The following ABCA3 variants were observed in gnomAD, a reference collection of about 807,000 sequenced individuals.
ABCA3 encodes the protein phospholipid-transporting ATPase ABCA3.
ABCA3 carries 88 observed loss-of-function variants against 172.8 expected under a neutral mutation model. That is an observed-to-expected ratio of 0.51 (90% confidence interval 0.43 to 0.61). The LOEUF is 0.61. Among genes scored for constraint, ABCA3 ranks in the 20% least tolerant of loss-of-function variants. The pLI is 0.00. For missense variants in ABCA3, 2,164 were observed against 2,301.0 expected, an observed-to-expected ratio of 0.94 and a Z score of 1.22; for synonymous variants, 1,066 against 983.8, an observed-to-expected ratio of 1.08 and a Z score of -1.56.
At position 2,276,669 on chromosome 16, in the gene ABCA3, A is replaced by G. The variant is rs1596825484; in HGVS notation, c.*5T>C. 4 of 1,612,718 alleles carry G rather than the reference A, an allele frequency of 2.5e-6. No homozygotes were observed. In the East Asian group the frequency reaches 8.9e-5, roughly 36 times the overall value. On this transcript the variant is annotated 3_prime_UTR_variant, in exon 33 of 33. Transcript: ENST00000301732. ...CCTGCCTGATGGCGAGACAGCCGCC[A>G]CCCCTCATCGCCCCTCCTCTGCGGT... is the stretch of plus-strand genomic sequence containing the variant.
intron 10 of ABCA3, among the ~76,000 whole-genome samples, chr16:2,313,438 C>G (rs1370536993): frequency 6.6e-6 from 1 of 150,792 alleles, no homozygotes; most frequent in Non-Finnish European, 1.5e-5. Context: ...CCTGTAGTGC[C>G]AGCTACTCAG....
intron 1 of ABCA3, among the ~76,000 whole-genome samples, chr16:2,334,197 A>G (rs922526021): frequency 2.0e-5 from 3 of 152,120 alleles, no homozygotes; most frequent in Admixed American, 2.0e-4. Context: ...TGAATGACTC[A>G]TTAGTTGGGA....
intron 18 of ABCA3, among the ~76,000 whole-genome samples, chr16:2,294,585 G>A (rs1341450060): frequency 2.6e-5 from 4 of 152,176 alleles, no homozygotes; most frequent in Non-Finnish European, 5.9e-5. Flanking sequence ...CTATTCGGGA[G>A]GCTGAGGTGG....
chr16:2,291,071 T>C (rs1166868545), intron 19 of ABCA3, among the ~76,000 whole-genome samples: 1 of 151,504 alleles, frequency 6.6e-6, no homozygotes, highest in Non-Finnish European at 1.5e-5. Flanking sequence ...TGGCTGGGGG[T>C]GGTGGCTCAC....
intron 7 of ABCA3, 162 bp downstream of exon 7, chr16:2,323,361 T>C: frequency 3.4e-6 from 3 of 880,556 alleles, no homozygotes; most frequent in Non-Finnish European, 5.6e-6. Flanking sequence ...CACACGTATG[T>C]TTATTGCGGC....
At chr16:2,339,808 T>C (rs2093757627) in intron 1 of ABCA3, among the ~76,000 whole-genome samples, 1 of 152,254 alleles carries the variant, frequency 6.6e-6, no homozygotes, top group East Asian at 1.9e-4. Flanking sequence ...ACCAAGCGCC[T>C]TCCCCACGCC....
rs764777475 is a variant in ABCA3, at chr16:2,326,176, C to A, written c.153G>T (p.Val51=). Reference sequence around the variant, plus strand: ...GGCCCGGGTAGATGGTGGCGTTGGGCACATTTTCCGACTGAATCTTCAAGC... The same window carrying A: ...GGCCCGGGTAGATGGTGGCGTTGGGAACATTTTCCGACTGAATCTTCAAGC... The part of the protein sequence containing the change: ...WLRLKIQSEN[V]PNATIYPGQS... Residue 51 remains valine (V), a synonymous_variant, in exon 5 of 33, where the codon GTG becomes GTT. Coordinates refer to ENST00000301732, the MANE Select transcript of ABCA3 (RefSeq NM_001089.3). 1.9e-6 allele frequency: 3 copies of A among 1,614,148 alleles called. No homozygotes were observed. Among genetic ancestry groups the A allele is most frequent in the South Asian group, 1.1e-5 (1 of 91,080 alleles).
At position 2,283,669 on chromosome 16, in the gene ABCA3, C is replaced by T. The variant is rs1440404975; in HGVS notation, c.3863-311G>A. On this transcript the variant is annotated intron_variant, in intron 25 of 32. Transcript: ENST00000301732. This position sits in a 1 kb window ranked among gnomAD's most constrained non-coding sequence, Gnocchi z 5.4. Reference sequence around the variant, plus strand: ...CTCCTGACCAGGACAGAGACCGTTACAAGCACCGAGGGGTGTGTGGGAGGC... The same window carrying T: ...CTCCTGACCAGGACAGAGACCGTTATAAGCACCGAGGGGTGTGTGGGAGGC... 6 of 402,776 alleles carry T rather than the reference C, an allele frequency of 1.5e-5. No individual in the cohort carries two copies. Among genetic ancestry groups the T allele is most frequent in the African/African-American group, 8.1e-5 (4 of 49,218 alleles). 25.0% of individuals were successfully genotyped at this position (402,776 alleles called of 1,614,324 possible).
Position 2,289,449 on chromosome 16 carries a change from G to C in ABCA3, c.2685C>G (p.Val895=). 7.0e-7 allele frequency: 1 copy of C among 1,432,408 alleles called. No individual in the cohort carries two copies. Among genetic ancestry groups the C allele is most frequent in the South Asian group, 1.2e-5 (1 of 85,316 alleles). 88.7% of individuals were successfully genotyped at this position (1,432,408 alleles called of 1,614,324 possible). Residue 895 remains valine, a synonymous_variant, in exon 20 of 33, where the codon GTC becomes GTG. Transcript: ENST00000301732. ...GALIEEERTA[V]KLNTGLALHC... ...GGGCACTCACCCCAGTGTTGAGCTT[G>C]ACAGCGGTGCGCTCCTCCTCGATGA...
rs1185646895 is a variant in ABCA3 at position 2,279,428 on chromosome 16, C to T, written c.4360-298G>A. Among the ~76,000 whole-genome samples, 2 of 152,314 alleles carry T rather than the reference C, an allele frequency of 1.3e-5. No homozygotes were observed. The highest frequency in any genetic ancestry group is 3.4e-3 in the Middle Eastern group (1 of 294). On this transcript the variant is annotated intron_variant, in intron 28 of 32. Coordinates refer to ENST00000301732, the MANE Select transcript of ABCA3 (RefSeq NM_001089.3). The surrounding 1 kb of genome is among the most constrained non-coding windows in gnomAD (Gnocchi z 4.4). ...TTAGGTGGTGCAAGAATGGCCTTTA[C>T]GTAGAAGCAGACTCAGAGCTGGCTA...
chr16:2,288,402 A>C (rs964180691), intron 20 of ABCA3, 73 bp from the exon 21 acceptor site: 70 of 1,496,110 alleles, frequency 4.7e-5, no homozygotes, highest in African/African-American at 2.8e-4. Flanking sequence ...CACCTGCGGC[A>C]GGTGCTGTTC....
intron 18 of ABCA3, among the ~76,000 whole-genome samples, chr16:2,293,592 C>T (rs1276764776): frequency 1.3e-5 from 2 of 150,364 alleles, no homozygotes; most frequent in Non-Finnish European, 3.0e-5. Context: ...GGCTGGAGTG[C>T]GGTGGCGCGA....
intron 1 of ABCA3, among the ~76,000 whole-genome samples, chr16:2,334,486 C>T (rs958979549): frequency 2.6e-5 from 4 of 151,546 alleles, no homozygotes; most frequent in Non-Finnish European, 4.4e-5. Context: ...TTCAATGGAT[C>T]CTGTGGATGA....
intron 1 of ABCA3, among the ~76,000 whole-genome samples, chr16:2,335,228 A>C (rs973466224): frequency 6.6e-6 from 1 of 152,226 alleles, no homozygotes; most frequent in African/African-American, 2.4e-5. Flanking sequence ...GACAACCTGC[A>C]GCAGTGAAAA....
At position 2,279,266 on chromosome 16, in the gene ABCA3, C is replaced by T. The variant is rs371572979; in HGVS notation, c.4360-136G>A. 4.7e-5 allele frequency: 48 copies of T among 1,022,874 alleles called. No homozygotes were observed. Among genetic ancestry groups the T allele is most frequent in the South Asian group, 1.3e-4 (9 of 67,794 alleles). The allele number at this position is 1,022,874 out of a possible 1,614,324, so 63.4% of individuals were successfully genotyped here. A position where few individuals can be genotyped will look rare whatever the true frequency, so the allele number is the denominator to read the frequency against. On this transcript the variant is annotated intron_variant, in intron 28 of 32. Transcript: ENST00000301732. The surrounding 1 kb of genome is among the most constrained non-coding windows in gnomAD (Gnocchi z 4.4). ...TCCTGCCAGTGTGTGTACACGGGGG[C>T]GCTGGAGCTATGCACAGGCCGTGGT...
chr16:2,288,037 C>T lies in ABCA3; in HGVS notation c.2993G>A (p.Arg998His), dbSNP rs988110580. The T allele has an allele frequency of 8.7e-6, 14 of 1,608,006 alleles. No homozygotes were observed. The highest frequency in any genetic ancestry group is 6.7e-5 in the East Asian group (3 of 44,876). The change falls in exon 21 of 33, where the codon CGC becomes CAC. Residue 998 changes from arginine to histidine, a missense_variant. Physicochemically the swap from Arg to His is conservative, Grantham distance 29. Transcript: ENST00000301732. ...GGGATGCCCCTTACCGAGCACCTCG[C>T]GGGGCTCCTGTCCCTCAGCCTGCAG... ...DALQAEGQEPREVLGDLEEFL... is the reference protein window; with the variant it reads ...DALQAEGQEPHEVLGDLEEFL...
chr16:2,330,544 T>C (rs1379889722), intron 1 of ABCA3, among the ~76,000 whole-genome samples: 2 of 151,642 alleles, frequency 1.3e-5, no homozygotes, highest in African/African-American at 4.8e-5. Flanking sequence ...GGTCTCAAAC[T>C]CCTGACCTCA....
At chr16:2,331,781 C>T (rs2141747842) in intron 1 of ABCA3, among the ~76,000 whole-genome samples, 1 of 152,328 alleles carries the variant, frequency 6.6e-6, no homozygotes, top group Non-Finnish European at 1.5e-5. Context: ...GCTGAGCCCC[C>T]ATCAGCTACT....
rs976908029 is a variant in ABCA3, at chr16:2,285,692, G to C, written c.3279-46C>G. 1.9e-6 allele frequency: 3 copies of C among 1,545,280 alleles called. No homozygotes were observed. In the African/African-American group the frequency reaches 4.1e-5, roughly 21 times the overall value. On this transcript the variant is annotated intron_variant, in intron 22 of 32. Transcript: ENST00000301732. This position sits in a 1 kb window ranked among gnomAD's most constrained non-coding sequence, Gnocchi z 4.7. ...CAGGGACGGAGCACAGCACGTCTGG[G>C]TGGCAGGAGAGGTCGGGTTCTCGGT...
Sources: gnomAD v4.1 joint callset for allele counts (sites outside exome capture counted in the v4.1 genomes callset) on GRCh38, gnomAD v4.1.1 for gene constraint, Gnocchi (gnomAD v3.1) non-coding constraint, MANE v1.5 for transcripts, NCBI Gene and HGNC (gene_info 2026-07-23, HGNC 2026-07-21) for gene names.